DNAJC10: variants seen among roughly 807,000 people sequenced by gnomAD.
DNAJC10 encodes the protein endoplasmic reticulum disulfide reductase DNAJC10.
Under a neutral mutation model 115.0 loss-of-function variants are expected in DNAJC10, and 101 were observed. That is an observed-to-expected ratio of 0.88 (90% CI 0.75 to 1.04). The LOEUF (loss-of-function observed/expected upper bound fraction) is 1.04, where lower values mean the gene tolerates loss of function less well. Among genes scored for constraint, DNAJC10 ranks in the 50% least tolerant of loss-of-function variants. DNAJC10 has a pLI of 0.00. For synonymous variants in DNAJC10, 307 were observed against 301.5 expected (o/e 1.02, Z -0.19); for missense variants, 981 against 928.8 (o/e 1.06, Z -0.73).
rs898374189 is a variant in DNAJC10, at chr2:182,762,738, A to T, written c.2202A>T (p.Thr734=). 6 of 1,612,710 alleles carry T rather than the reference A, an allele frequency of 3.7e-6. No individual in the cohort carries two copies. The African/African-American group carries it at 8.0e-5, about 22-fold the overall frequency. ...GKVDCQAYAQ[T]CQKAGIRAYP... is the part of the protein sequence containing the mutation. Reference sequence around the variant, plus strand: ...TAGACTGTCAGGCTTATGCTCAGACATGCCAGAAAGCTGGGATCAGGGCCT... The same window carrying T: ...TAGACTGTCAGGCTTATGCTCAGACTTGCCAGAAAGCTGGGATCAGGGCCT... The change falls in exon 22 of 24, where the codon ACA becomes ACT. Residue 734 remains threonine, a synonymous_variant. Coordinates refer to ENST00000264065, the MANE Select transcript of DNAJC10 (RefSeq NM_018981.4).
chr2:182,771,256 G>A (rs1048481182), intron 22 of DNAJC10, among the ~76,000 whole-genome samples: 2 of 151,070 alleles, frequency 1.3e-5, no homozygotes, highest in South Asian at 4.2e-4. Flanking sequence ...TTTTCACATC[G>A]ATGTTCATCA....
chr2:182,745,899 C>A (rs554031076), intron 14 of DNAJC10, among the ~76,000 whole-genome samples: 26 of 152,226 alleles, frequency 1.7e-4, no homozygotes, highest in African/African-American at 6.3e-4. Context: ...TCCCCCCACC[C>A]CACAACAGTA....
Position 182,778,719 on chromosome 2 carries a change from G to A in DNAJC10, c.*1587G>A, listed in dbSNP as rs1384106593. On this transcript the variant is annotated 3_prime_UTR_variant, in exon 24 of 24. Transcript: ENST00000264065. ...TGCTGTATGCCTGTTGGCATATATG[G>A]AACAGTCACCACTTGTCACACTTAA... 6.6e-6 allele frequency: 1 copy of A among 152,114 alleles called. No individual in the cohort carries two copies. Among genetic ancestry groups the A allele is most frequent in the Non-Finnish European group, 1.5e-5 (1 of 68,032 alleles). The allele number at this position is 152,114 out of a possible 1,614,324, so 9.4% of individuals were successfully genotyped here. A position where few individuals can be genotyped will look rare whatever the true frequency, so the allele number is the denominator to read the frequency against.
chr2:182,736,296 C>A lies in DNAJC10; in HGVS notation c.897C>A (p.Asn299Lys), dbSNP rs764589408. The change falls in exon 11 of 24, where the codon AAC becomes AAA. Residue 299 changes from asparagine to lysine, a missense_variant. Transcript: ENST00000264065. ...VGWMDCATQDNLCKSLDITTS... is the reference protein window; with the variant it reads ...VGWMDCATQDKLCKSLDITTS... ...GGATGGACTGTGCCACCCAGGATAA[C>A]CTTTGTAAAAGCTTAGATATTACAA... 4 of 1,594,076 alleles carry A rather than the reference C, an allele frequency of 2.5e-6. No individual in the cohort carries two copies. Among genetic ancestry groups the A allele is most frequent in the African/African-American group, 2.7e-5 (2 of 73,476 alleles).
chr2:182,739,524 C>A, intron 11 of DNAJC10: 1 of 1,210,122 alleles, frequency 8.3e-7, no homozygotes, highest in South Asian at 1.6e-5. Context: ...GTAACCATTG[C>A]TGCATTCTTT....
At chr2:182,752,789 G>T (rs956064621) in intron 16 of DNAJC10, among the ~76,000 whole-genome samples, 1 of 152,048 alleles carries the variant, frequency 6.6e-6, no homozygotes, top group South Asian at 2.1e-4. Context: ...GAATGACAGG[G>T]GAGCATGTTA....
intron 20 of DNAJC10, 62 bp downstream of exon 20, chr2:182,758,952 A>G (rs1694224792): frequency 7.8e-7 from 1 of 1,285,394 alleles, no homozygotes; most frequent in Non-Finnish European, 1.1e-6. Context: ...CCCCCCTTTT[A>G]TATCAATAGT....
In DNAJC10 at chr2:182,780,966, T is replaced by C. The variant is rs543766523; in HGVS notation, c.*3834T>C. 4.9e-4 allele frequency: 42 copies of C among 85,672 alleles called. 1 individual carries two copies. The highest frequency in any genetic ancestry group is 2.6e-3 in the African/African-American group (42 of 16,118). 5.3% of individuals were successfully genotyped at this position (85,672 alleles called of 1,614,324 possible). Reference sequence around the variant, plus strand: ...TGATAGACAATCTTCATTAAGCAACTGCTGTTTTTTTTTTTTAATACTTCA... The same window carrying C: ...TGATAGACAATCTTCATTAAGCAACCGCTGTTTTTTTTTTTTAATACTTCA... On this transcript the variant is annotated 3_prime_UTR_variant, in exon 24 of 24. Transcript: ENST00000264065.
At chr2:182,739,427 A>G in intron 11 of DNAJC10, 1 of 662,816 alleles carries the variant, frequency 1.5e-6, no homozygotes, top group Non-Finnish European at 1.9e-6. Context: ...CTTTCAAGTA[A>G]TACTTAAACT....
At chr2:182,758,663 T>C (rs1694216555) in intron 19 of DNAJC10, among the ~76,000 whole-genome samples, 174 bp from the exon 20 acceptor site, 1 of 152,046 alleles carries the variant, frequency 6.6e-6, no homozygotes, top group South Asian at 2.1e-4. Context: ...TAGAGAAAAA[T>C]ACATTTGTGA....
At chr2:182,770,288 G>T (rs1309708894) in intron 22 of DNAJC10, among the ~76,000 whole-genome samples, 1 of 152,050 alleles carries the variant, frequency 6.6e-6, no homozygotes, top group Non-Finnish European at 1.5e-5. Flanking sequence ...GGATTGTCTT[G>T]GCAATACGGG....
At position 182,743,741 on chromosome 2, in the gene DNAJC10, A is replaced by G. The variant is rs192037650; in HGVS notation, c.1306+29A>G. 2.2e-3 allele frequency: 3,205 copies of G among 1,462,216 alleles called. 3 individuals are homozygous for G. The highest frequency in any genetic ancestry group is 2.7e-3 in the Non-Finnish European group (2,914 of 1,060,348). The allele number at this position is 1,462,216 out of a possible 1,614,324, so 90.6% of individuals were successfully genotyped here. On this transcript the variant is annotated intron_variant, in intron 14 of 23. Coordinates refer to ENST00000264065, the MANE Select transcript of DNAJC10 (RefSeq NM_018981.4). ...AGAATGGAAAAAAATGATAAAAAAA[A>G]ACTTAGCTTCATTTTCAAATAGAAG...
chr2:182,790,006 T>C lies in DNAJC10; in HGVS notation c.*12874T>C, dbSNP rs981996576. On this transcript the variant is annotated 3_prime_UTR_variant, in exon 24 of 24. Transcript: ENST00000264065. ...GCTTTGTATTACTTTCCCATTTGGATGCCCTTTTCATCCTTCACCTCATCC... is the reference window on the plus strand; with the variant it reads ...GCTTTGTATTACTTTCCCATTTGGACGCCCTTTTCATCCTTCACCTCATCC... 6 of 152,242 alleles carry C rather than the reference T, an allele frequency of 3.9e-5. No homozygotes were observed. Among genetic ancestry groups the C allele is most frequent in the South Asian group, 2.1e-4 (1 of 4,830 alleles). The allele number at this position is 152,242 out of a possible 1,614,324, so 9.4% of individuals were successfully genotyped here.
chr2:182,762,512 G>A (rs563562428), intron 21 of DNAJC10, among the ~76,000 whole-genome samples, 170 bp from the exon 22 acceptor site: 1 of 152,268 alleles, frequency 6.6e-6, no homozygotes, highest in South Asian at 2.1e-4. Context: ...GTGGTGCTAG[G>A]TGAATAGGGG....
chr2:182,739,841 G>C, intron 11 of DNAJC10: 1 of 992,002 alleles, frequency 1.0e-6, no homozygotes, highest in Non-Finnish European at 1.2e-6. Flanking sequence ...ATTGGTTGGG[G>C]AATGAAGTGT....
chr2:182,726,571 G>T (rs1419044346), intron 5 of DNAJC10, among the ~76,000 whole-genome samples: 1 of 152,108 alleles, frequency 6.6e-6, no homozygotes, highest in Non-Finnish European at 1.5e-5. Flanking sequence ...TTCAGGAAAG[G>T]AGACATCAAT....
chr2:182,745,514 A>G (rs1052443115), intron 14 of DNAJC10, among the ~76,000 whole-genome samples: 1 of 152,210 alleles, frequency 6.6e-6, no homozygotes, highest in Non-Finnish European at 1.5e-5. Flanking sequence ...ATGTGCTCTT[A>G]CTAACTTTGT....
At chr2:182,768,263 A>G (rs1694468066) in intron 22 of DNAJC10, among the ~76,000 whole-genome samples, 1 of 152,160 alleles carries the variant, frequency 6.6e-6, no homozygotes, top group African/African-American at 2.4e-5. Context: ...TTGAATCAAC[A>G]GCTCTATTTC....
At chr2:182,728,193 C>T (rs1693340190) in intron 5 of DNAJC10, among the ~76,000 whole-genome samples, 1 of 152,052 alleles carries the variant, frequency 6.6e-6, no homozygotes, top group South Asian at 2.1e-4. Context: ...TACTATTTGT[C>T]TTCTTTATTT....
Sources: gnomAD v4.1 joint callset for allele counts (sites outside exome capture counted in the v4.1 genomes callset) on GRCh38, gnomAD v4.1.1 for gene constraint, MANE v1.5 for transcripts, NCBI Gene and HGNC (gene_info 2026-07-23, HGNC 2026-07-21) for gene names.